Variants in PLCB1 observed in about 807,000 individuals in gnomAD.
The protein encoded by PLCB1 is 1-phosphatidylinositol 4,5-bisphosphate phosphodiesterase beta-1.
PLCB1 carries 46 observed loss-of-function variants against 161.8 expected under a neutral mutation model. The ratio of observed to expected loss-of-function variants is 0.28; its 90% confidence interval spans 0.22 to 0.36. PLCB1 has a LOEUF of 0.36. Ranked by LOEUF, PLCB1 falls within the 10% of genes least tolerant of loss-of-function variation. PLCB1 has a pLI of 1.00. For synonymous variants in PLCB1, 517 were observed against 503.7 expected, an observed-to-expected ratio of 1.03 and a Z score of -0.35; for missense variants, 1,016 against 1,472.5, an observed-to-expected ratio of 0.69 and a Z score of 5.07.
In PLCB1 at chr20:8,536,596, G is replaced by T. The variant is rs561961077; in HGVS notation, c.247-91698G>T. Among the ~76,000 whole-genome samples the T allele has an allele frequency of 5.3e-5, 8 of 152,236 alleles. No individual in the cohort carries two copies. The South Asian group carries it at 1.7e-3, about 32-fold the overall frequency. On this transcript the variant is annotated intron_variant, in intron 3 of 31. Transcript: ENST00000338037. Reference sequence around the variant, plus strand: ...AGGCTCACTGGGCTAGACATCCCAGGTGATCATCACTCACCGGCCCCATAT... The same window carrying T: ...AGGCTCACTGGGCTAGACATCCCAGTTGATCATCACTCACCGGCCCCATAT...
At chr20:8,246,240 A>G (rs1980872560) in intron 2 of PLCB1, among the ~76,000 whole-genome samples, 1 of 151,952 alleles carries the variant, frequency 6.6e-6, no homozygotes, top group African/African-American at 2.4e-5. Context: ...TTATGTGATC[A>G]TCTGGTAAGG....
At chr20:8,577,248 T>A (rs1432871855) in intron 3 of PLCB1, among the ~76,000 whole-genome samples, 1 of 148,638 alleles carries the variant, frequency 6.7e-6, no homozygotes, top group Non-Finnish European at 1.5e-5. Flanking sequence ...GCTAACATGG[T>A]GAAACCCCGT....
chr20:8,300,502 CCTTT>C (rs1280482218), intron 2 of PLCB1, among the ~76,000 whole-genome samples: 5 of 152,042 alleles, frequency 3.3e-5, no homozygotes, highest in Non-Finnish European at 7.4e-5. Context: ...CTCACAGCAC[CCTTT>C]CTATGACTCC....
At chr20:8,739,537 T>C (rs569149966) in intron 21 of PLCB1, among the ~76,000 whole-genome samples, 177 bp downstream of exon 21, 2 of 152,226 alleles carry the variant, frequency 1.3e-5, no homozygotes, top group Non-Finnish European at 2.9e-5. Flanking sequence ...TTAATGTTAG[T>C]CAACTCTTTC....
chr20:8,723,542 A>G (rs1979763631), intron 15 of PLCB1, among the ~76,000 whole-genome samples: 1 of 152,192 alleles, frequency 6.6e-6, no homozygotes, highest in Admixed American at 6.6e-5. Flanking sequence ...TATCAAAGTA[A>G]TATGTCATAG....
intron 2 of PLCB1, among the ~76,000 whole-genome samples, chr20:8,195,963 C>G (rs899787218): frequency 6.6e-6 from 1 of 152,072 alleles, no homozygotes; most frequent in Non-Finnish European, 1.5e-5. Context: ...CCTCTGGAAA[C>G]TTACAATCAT....
At chr20:8,332,381 C>G (rs116647467) in intron 2 of PLCB1, among the ~76,000 whole-genome samples, 1 of 152,102 alleles carries the variant, frequency 6.6e-6, no homozygotes, top group Non-Finnish European at 1.5e-5. Context: ...CTAAATAGAT[C>G]CCAAAATACA....
At chr20:8,557,074 CTG>C (rs1401340101) in intron 3 of PLCB1, among the ~76,000 whole-genome samples, 5 of 151,386 alleles carry the variant, frequency 3.3e-5, no homozygotes, top group Non-Finnish European at 7.4e-5. Context: ...ATGAGGGAAA[CTG>C]TAACCCATGT....
chr20:8,177,930 A>G (rs965260594), intron 2 of PLCB1, among the ~76,000 whole-genome samples: 3 of 151,950 alleles, frequency 2.0e-5, no homozygotes, highest in Non-Finnish European at 4.4e-5. Flanking sequence ...CCACTTATAC[A>G]TGAGAACATT....
At chr20:8,841,517 T>C (rs974617957) in intron 31 of PLCB1, among the ~76,000 whole-genome samples, 2 of 152,220 alleles carry the variant, frequency 1.3e-5, no homozygotes, top group African/African-American at 2.4e-5. Flanking sequence ...GTGATTAAGA[T>C]CAACAGCTCT....
At chr20:8,406,436 G>GTGTTAAGTGTTTTCAACACATAATAATT (rs1978790792) in intron 3 of PLCB1, among the ~76,000 whole-genome samples, 1 of 152,160 alleles carries the variant, frequency 6.6e-6, no homozygotes, top group Non-Finnish European at 1.5e-5. Flanking sequence ...GGCAAAAATT[G>GTGTTAAGTGTTTTCAACACATAATAATT]TCTTGTGTTA....
Position 8,556,671 on chromosome 20 carries a change from G to A in PLCB1, c.247-71623G>A, listed in dbSNP as rs1242224141. Among the ~76,000 whole-genome samples the A allele has an allele frequency of 7.1e-5, 10 of 140,692 alleles. No homozygotes were observed. The East Asian group carries it at 2.0e-3, about 29-fold the overall frequency. The allele number at this position is 140,692 out of a possible 152,430, so 92.3% of individuals were successfully genotyped here. The stretch of plus-strand genomic sequence containing the variant: ...GAGAGGGTTGGGTGTGTGTGTGTGT[G>A]TGTGTGTGTGTGTGTGTGTGTGTGT... On this transcript the variant is annotated intron_variant, in intron 3 of 31. Coordinates refer to ENST00000338037, the MANE Select transcript of PLCB1 (RefSeq NM_015192.4).
chr20:8,816,208 G>A (rs1358547261), intron 31 of PLCB1, among the ~76,000 whole-genome samples: 1 of 152,040 alleles, frequency 6.6e-6, no homozygotes, highest in Non-Finnish European at 1.5e-5. Flanking sequence ...GAAAACCAAG[G>A]GAGGTAAATT....
chr20:8,687,874 T>C (rs962745516), intron 10 of PLCB1, among the ~76,000 whole-genome samples: 1 of 152,234 alleles, frequency 6.6e-6, no homozygotes, highest in African/African-American at 2.4e-5. Context: ...CTGGATCAAA[T>C]GGTAGTTCTA....
At chr20:8,397,091 T>C (rs1353321229) in intron 3 of PLCB1, among the ~76,000 whole-genome samples, 1 of 152,066 alleles carries the variant, frequency 6.6e-6, no homozygotes. Flanking sequence ...CCTCATTTCC[T>C]CTTCTTTCAT....
rs148403167 is a variant in PLCB1 at position 8,274,982 on chromosome 20, C to T, written c.178-96400C>T. 2.7e-4 allele frequency among the ~76,000 whole-genome samples: 41 copies of T among 152,170 alleles called. 1 individual carries two copies. The East Asian group carries it at 7.3e-3, about 27-fold the overall frequency. On this transcript the variant is annotated intron_variant, in intron 2 of 31. Coordinates refer to ENST00000338037, the MANE Select transcript of PLCB1 (RefSeq NM_015192.4). ...AGTTGTTTTGCCCTTTTTTAAAAAT[C>T]TTGCTTCGATGCCCCTTTTCAAACA...
intron 2 of PLCB1, among the ~76,000 whole-genome samples, chr20:8,245,559 G>A (rs1262143027): frequency 6.6e-6 from 1 of 151,820 alleles, no homozygotes; most frequent in East Asian, 1.9e-4. Context: ...GGTCTTTTGT[G>A]TACTACAGTG....
intron 3 of PLCB1, among the ~76,000 whole-genome samples, chr20:8,416,754 T>G (rs963194503): frequency 6.6e-5 from 10 of 152,010 alleles, no homozygotes; most frequent in Non-Finnish European, 2.9e-5. Context: ...TTAGAGACTC[T>G]TTCAGGAAAA....
At chr20:8,811,622 A>G (rs1233384458) in intron 31 of PLCB1, among the ~76,000 whole-genome samples, 1 of 152,228 alleles carries the variant, frequency 6.6e-6, no homozygotes, top group Non-Finnish European at 1.5e-5. Flanking sequence ...TACAGCATAT[A>G]TTATTCAGAA....
Sources: gnomAD v4.1 joint callset for allele counts (sites outside exome capture counted in the v4.1 genomes callset) on GRCh38, gnomAD v4.1.1 for gene constraint, MANE v1.5 for transcripts, NCBI Gene and HGNC (gene_info 2026-07-23, HGNC 2026-07-21) for gene names.